The following IKZF2 variants were observed in gnomAD, a reference collection of about 807,000 sequenced individuals.
IKZF2 encodes IKAROS family zinc finger 2.
IKZF2 carries 15 observed loss-of-function variants against 49.2 expected under a neutral mutation model. The ratio of observed to expected loss-of-function variants is 0.30; its 90% CI spans 0.20 to 0.47. The LOEUF is 0.47. Among genes scored for constraint, IKZF2 ranks in the 20% least tolerant of loss-of-function variants. The pLI, the probability that IKZF2 is intolerant of heterozygous loss-of-function variation, is 1.00. For missense variants in IKZF2, 567 were observed against 664.6 expected, an observed-to-expected ratio of 0.85 and a Z score of 1.61; for synonymous variants, 227 against 221.4, an observed-to-expected ratio of 1.03 and a Z score of -0.23.
chr2:213,031,538 T>A (rs970501720), intron 6 of IKZF2, among the ~76,000 whole-genome samples: 3 of 152,230 alleles, frequency 2.0e-5, no homozygotes, highest in Admixed American at 6.5e-5. Flanking sequence ...TATGTAAGAT[T>A]ATTTTTATAA....
chr2:213,106,618 C>T (rs1015394529), intron 4 of IKZF2, among the ~76,000 whole-genome samples: 19 of 136,048 alleles, frequency 1.4e-4, no homozygotes, highest in African/African-American at 5.0e-4. Flanking sequence ...CCAACCTGGG[C>T]GACAGAGTGA....
chr2:213,068,526 A>G (rs11901834), intron 4 of IKZF2, among the ~76,000 whole-genome samples: 6,411 of 152,182 alleles, frequency 0.042, 445 homozygotes, highest in African/African-American at 0.14. Context: ...ATACAACCAG[A>G]CTATTCTTTA....
At chr2:213,106,792 C>G (rs933194120) in intron 4 of IKZF2, among the ~76,000 whole-genome samples, 42 of 152,124 alleles carry the variant, frequency 2.8e-4, no homozygotes, top group African/African-American at 9.6e-4. Flanking sequence ...TAACTCTATT[C>G]TTCATATTTT....
rs982726437 is a variant in IKZF2, at chr2:213,005,297, C to T, written c.*2063G>A. On this transcript the variant is annotated 3_prime_UTR_variant, in exon 9 of 9. Coordinates refer to ENST00000434687, the MANE Select transcript of IKZF2 (RefSeq NM_001387220.1). ...AAAAAAAAATGAAATGGTTGACATT[C>T]TATATATCTCTGTTTTGGTGCATTC... The T allele has an allele frequency of 2.0e-5, 3 of 150,696 alleles. No homozygotes were observed. Among genetic ancestry groups the T allele is most frequent in the African/African-American group, 7.3e-5 (3 of 41,082 alleles). The allele number at this position is 150,696 out of a possible 1,614,324, so 9.3% of individuals were successfully genotyped here.
At chr2:213,083,730 A>C (rs1559251952) in intron 4 of IKZF2, among the ~76,000 whole-genome samples, 1 of 151,076 alleles carries the variant, frequency 6.6e-6, no homozygotes, top group Non-Finnish European at 1.5e-5. Flanking sequence ...TGTGAACTGC[A>C]CATGCCAGAG....
At chr2:213,125,741 C>A (rs1280871321) in intron 4 of IKZF2, among the ~76,000 whole-genome samples, 3 of 151,996 alleles carry the variant, frequency 2.0e-5, no homozygotes, top group African/African-American at 7.3e-5. Flanking sequence ...AAATGTCCAA[C>A]AGTGAATGAG....
chr2:213,036,381 C>T (rs1215444115), intron 6 of IKZF2, among the ~76,000 whole-genome samples: 1 of 152,104 alleles, frequency 6.6e-6, no homozygotes, highest in African/African-American at 2.4e-5. Context: ...ATGCTTGTCA[C>T]AAAATAAGAA....
At chr2:213,124,252 GCACACACACACACACACACACA>G (rs66958263) in intron 4 of IKZF2, among the ~76,000 whole-genome samples, 50 of 136,268 alleles carry the variant, frequency 3.7e-4, no homozygotes, top group Middle Eastern at 3.7e-3. Context: ...GCGCGCGCGC[GCACACACACACACACACACACA>G]CACACACACA....
At chr2:213,071,957 A>G (rs902582409) in intron 4 of IKZF2, among the ~76,000 whole-genome samples, 6 of 152,060 alleles carry the variant, frequency 3.9e-5, no homozygotes, top group African/African-American at 1.4e-4. Context: ...ACCTAAAATG[A>G]AACCTCTTCA....
At chr2:213,067,363 T>C (rs953251970) in intron 4 of IKZF2, among the ~76,000 whole-genome samples, 2 of 151,890 alleles carry the variant, frequency 1.3e-5, no homozygotes, top group African/African-American at 4.8e-5. Context: ...GTACTAAAAG[T>C]TGGATATGAC....
intron 4 of IKZF2, among the ~76,000 whole-genome samples, chr2:213,071,316 A>T (rs1381378087): frequency 6.6e-6 from 1 of 152,192 alleles, no homozygotes; most frequent in Non-Finnish European, 1.5e-5. Context: ...TAAAAACACA[A>T]GCTCATTTAC....
At chr2:213,043,020 T>A (rs1238567443) in intron 6 of IKZF2, among the ~76,000 whole-genome samples, 1 of 152,118 alleles carries the variant, frequency 6.6e-6, no homozygotes, top group Non-Finnish European at 1.5e-5. Context: ...CTTAGTACAG[T>A]GTCTACTGTC....
chr2:213,026,171 C>T (rs1697797513), intron 6 of IKZF2, among the ~76,000 whole-genome samples: 2 of 152,078 alleles, frequency 1.3e-5, no homozygotes, highest in Admixed American at 1.3e-4. Flanking sequence ...TACTTTACAC[C>T]TACACTTCTG....
chr2:213,056,765 A>G, intron 5 of IKZF2, 68 bp downstream of exon 5: 2 of 1,575,164 alleles, frequency 1.3e-6, no homozygotes, highest in Non-Finnish European at 1.7e-6. Context: ...AGGAAAGAGA[A>G]TAGATGTCAG....
intron 6 of IKZF2, among the ~76,000 whole-genome samples, chr2:213,035,279 A>G (rs988383265): frequency 2.6e-5 from 4 of 151,966 alleles, no homozygotes; most frequent in Non-Finnish European, 5.9e-5. Flanking sequence ...AGCAGTCAAC[A>G]TCTTCTAACA....
chr2:213,124,235 T>TGCACTCGCGCGCGCGC (rs1491243894), intron 4 of IKZF2, among the ~76,000 whole-genome samples: 4 of 115,172 alleles, frequency 3.5e-5, no homozygotes, highest in Non-Finnish European at 6.8e-5. Context: ...CACGCACACA[T>TGCACTCGCGCGCGCGC]GCGCTCGCGC....
intron 4 of IKZF2, among the ~76,000 whole-genome samples, chr2:213,108,702 T>C (rs1574873300): frequency 6.6e-6 from 1 of 152,154 alleles, no homozygotes; most frequent in East Asian, 1.9e-4. Context: ...ATATTTAGGT[T>C]CTACTCATCC....
intron 5 of IKZF2, among the ~76,000 whole-genome samples, chr2:213,054,722 C>A (rs1226427799): frequency 6.6e-6 from 1 of 151,926 alleles, no homozygotes; most frequent in Non-Finnish European, 1.5e-5. Context: ...CACTGATTGA[C>A]AAAAAAAGAT....
intron 6 of IKZF2, among the ~76,000 whole-genome samples, chr2:213,027,689 GA>G (rs1697966574): frequency 6.6e-6 from 1 of 152,086 alleles, no homozygotes; most frequent in African/African-American, 2.4e-5. Context: ...TTTCCAGGTT[GA>G]AACTCATTTT....
Sources: allele counts gnomAD v4.1 joint callset (sites outside exome capture counted in the v4.1 genomes callset), GRCh38; gene constraint gnomAD v4.1.1; transcripts MANE v1.5; gene names NCBI Gene and HGNC (gene_info 2026-07-23, HGNC 2026-07-21).